Variants in EPG5 observed in about 807,000 individuals in gnomAD.
The protein encoded by EPG5 is ectopic P granules protein 5 homolog.
Under a neutral mutation model 302.7 loss-of-function variants are expected in EPG5, and 159 were observed. The ratio of observed to expected loss-of-function variants is 0.53; its 90% confidence interval spans 0.46 to 0.60. The LOEUF (loss-of-function observed/expected upper bound fraction) is 0.60, where lower values mean the gene tolerates loss of function less well. Ranked by LOEUF, EPG5 falls within the 20% of genes least tolerant of loss-of-function variation. The probability of loss-of-function intolerance (pLI) is 0.00; values close to 1 mark genes in which losing one functional copy is unlikely to be tolerated. For missense variants in EPG5, 2,896 were observed against 3,092.4 expected (o/e 0.94, Z 1.51); for synonymous variants, 1,158 against 1,136.8 (o/e 1.02, Z -0.37).
Position 45,852,670 on chromosome 18 carries a change from G to T in EPG5, c.7558-21C>A, listed in dbSNP as rs781605489. ...AGAGCCTAAAAGACACGGAAGATGA[G>T]AGGGTTAACTCCATAGAGGCACATA... On this transcript the variant is annotated intron_variant, in intron 43 of 43. Coordinates refer to ENST00000282041, the MANE Select transcript of EPG5 (RefSeq NM_020964.3). 5 of 1,608,586 alleles carry T rather than the reference G, an allele frequency of 3.1e-6. No homozygotes were observed. In the Admixed American group the frequency reaches 8.4e-5, roughly 27 times the overall value.
intron 27 of EPG5, among the ~76,000 whole-genome samples, chr18:45,899,191 T>A (rs948705152): frequency 1.3e-5 from 2 of 152,170 alleles, no homozygotes; most frequent in African/African-American, 2.4e-5. Flanking sequence ...GATTTTTTTT[T>A]AATTCCTATT....
chr18:45,871,194 A>C (rs945914999), intron 35 of EPG5, among the ~76,000 whole-genome samples: 7 of 152,198 alleles, frequency 4.6e-5, no homozygotes, highest in Non-Finnish European at 1.0e-4. Context: ...AGCATCACTG[A>C]TCATTAGAGA....
At chr18:45,939,895 T>C in intron 9 of EPG5, 140 bp from the exon 10 acceptor site, 2 of 741,396 alleles carry the variant, frequency 2.7e-6, no homozygotes, top group South Asian at 4.1e-5. Context: ...GTTCTGAAAC[T>C]AATGAAATGG....
rs200418143 is a variant in EPG5 at position 45,954,564 on chromosome 18, C to T, written c.838G>A (p.Asp280Asn). 2 of 1,614,232 alleles carry T rather than the reference C, an allele frequency of 1.2e-6. No homozygotes were observed. The highest frequency in any genetic ancestry group is 1.7e-6 in the Non-Finnish European group (2 of 1,180,042). Residue 280 changes from aspartate (D) to asparagine (N), a missense_variant, in exon 2 of 44, where the codon GAC becomes AAC. Around this residue, in one of 5 missense-constraint regions of EPG5, gnomAD observed 1,390 missense variants for 1,430.0 expected, o/e 0.97. Coordinates refer to ENST00000282041, the MANE Select transcript of EPG5 (RefSeq NM_020964.3). ...ENVESYLEEF[D>N]SMAHQDRHEF... ...TGCCTGTCTTGATGAGCCATGCTGTCAAATTCTTCTAAATATGACTCAACA... is the reference window on the plus strand; with the variant it reads ...TGCCTGTCTTGATGAGCCATGCTGTTAAATTCTTCTAAATATGACTCAACA...
chr18:45,825,626 GC>G, the EPG5 span: 1 of 1,285,824 alleles, frequency 7.8e-7, no homozygotes, highest in East Asian at 2.5e-5. Context: ...TGAGTGCCCT[GC>G]CCACCCCCGC....
At chr18:45,954,076 G>GT (rs1186904662) in intron 2 of EPG5, 4 of 277,354 alleles carry the variant, frequency 1.4e-5, no homozygotes, top group Non-Finnish European at 2.2e-5. Context: ...TAGATTTCTA[G>GT]TTTTTCTTGT....
the EPG5 span, among the ~76,000 whole-genome samples, chr18:45,841,658 G>A: frequency 6.6e-5 from 10 of 152,252 alleles, no homozygotes; most frequent in East Asian, 1.2e-3. Flanking sequence ...CCAGGCTGCC[G>A]GGGTTGGGAG....
chr18:45,829,290 A>G, the EPG5 span: 1 of 341,496 alleles, frequency 2.9e-6, no homozygotes, highest in Non-Finnish European at 4.1e-6. Context: ...CCTTTCACTC[A>G]CTACTCACAC....
the EPG5 span, among the ~76,000 whole-genome samples, chr18:45,802,884 A>G: frequency 6.6e-6 from 1 of 152,224 alleles, no homozygotes; most frequent in Non-Finnish European, 1.5e-5. Flanking sequence ...GTCAAGTCAG[A>G]ACCCAGCATT....
intron 1 of EPG5, among the ~76,000 whole-genome samples, chr18:45,966,924 A>G (rs766925070): frequency 1.3e-5 from 2 of 152,204 alleles, no homozygotes; most frequent in Non-Finnish European, 1.5e-5. Flanking sequence ...AGAGCAGAAA[A>G]GGAAGAGGCC....
intron 23 of EPG5, among the ~76,000 whole-genome samples, chr18:45,909,995 G>A (rs1211235594): frequency 1.3e-5 from 2 of 152,026 alleles, no homozygotes; most frequent in Non-Finnish European, 2.9e-5. Context: ...ATTCTAGCAA[G>A]GTTTTTTTGT....
chr18:45,947,467 A>G (rs1188458530), intron 6 of EPG5, among the ~76,000 whole-genome samples: 1 of 152,156 alleles, frequency 6.6e-6, no homozygotes, highest in Non-Finnish European at 1.5e-5. Flanking sequence ...ACATAGATAT[A>G]AATGCAAAAA....
rs138750480 is a variant in EPG5, at chr18:45,945,852, G to A, written c.1677+811C>T. 5.2e-3 allele frequency among the ~76,000 whole-genome samples: 795 copies of A among 152,224 alleles called. 6 individuals carry two copies. The highest frequency in any genetic ancestry group is 0.018 in the African/African-American group (740 of 41,524). On this transcript the variant is annotated intron_variant, in intron 7 of 43. Transcript: ENST00000282041. Reference sequence around the variant, plus strand: ...AGGAAGAGAAAAACGACTGTGAAGGGGGCTCCCTACTTCTGAATGAGCACT... The same window carrying A: ...AGGAAGAGAAAAACGACTGTGAAGGAGGCTCCCTACTTCTGAATGAGCACT...
chr18:45,943,322 A>T lies in EPG5; in HGVS notation c.1793-11T>A, dbSNP rs1180302995. On this transcript the variant is annotated splice_polypyrimidine_tract_variant and intron_variant, in intron 8 of 43. Coordinates refer to ENST00000282041, the MANE Select transcript of EPG5 (RefSeq NM_020964.3). ...CAGGTAAATAATCACCTAGAAGTTAATCAGATAAAAGAAAAAAATCATAGT... is the reference window on the plus strand; with the variant it reads ...CAGGTAAATAATCACCTAGAAGTTATTCAGATAAAAGAAAAAAATCATAGT... 1.9e-6 allele frequency: 3 copies of T among 1,609,984 alleles called. No homozygotes were observed. The highest frequency in any genetic ancestry group is 1.7e-5 in the Admixed American group (1 of 59,894).
chr18:45,881,511 T>C (rs2049097304), intron 31 of EPG5, among the ~76,000 whole-genome samples: 2 of 152,344 alleles, frequency 1.3e-5, no homozygotes, highest in South Asian at 4.1e-4. Context: ...TTAAACTATT[T>C]CTATGATGTA....
At position 45,888,740 on chromosome 18, in the gene EPG5, G is replaced by T. The variant is rs961013181; in HGVS notation, c.4953-833C>A. Among the ~76,000 whole-genome samples, 3 of 152,114 alleles carry T rather than the reference G, an allele frequency of 2.0e-5. No individual in the cohort carries two copies. In the East Asian group the frequency reaches 5.8e-4, roughly 29 times the overall value. ...CAGGCGTGAGCCACTGCATCTGGCC[G>T]ATTTTCAATACTTAGTAATAATTTC... On this transcript the variant is annotated intron_variant, in intron 28 of 43. Transcript: ENST00000282041.
At chr18:45,808,168 C>G in the EPG5 span, among the ~76,000 whole-genome samples, 6 of 152,204 alleles carry the variant, frequency 3.9e-5, no homozygotes, top group Admixed American at 6.5e-5. Context: ...TTAACCCAGT[C>G]TAACAAAGAC....
chr18:45,922,599 A>G lies in EPG5; in HGVS notation c.2840T>C (p.Val947Ala). The change falls in exon 16 of 44, where the codon GTT (valine) becomes GCT (alanine). Residue 947 changes from valine to alanine, a missense_variant and splice_region_variant. Physicochemically the swap from Val to Ala is moderately conservative, Grantham distance 64. Coordinates refer to ENST00000282041, the MANE Select transcript of EPG5 (RefSeq NM_020964.3). ...TCGAACAATACTGGCCAAATATGAA[A>G]CCTAAAACAATTATTTATTTTGAGC... The part of the protein sequence containing the change: ...AGILSESMKQ[V>A]SYLASIVRYG... 1.9e-6 allele frequency: 3 copies of G among 1,611,528 alleles called. No individual in the cohort carries two copies. Among genetic ancestry groups the G allele is most frequent in the Non-Finnish European group, 8.5e-7 (1 of 1,178,910 alleles).
At chr18:45,961,315 A>T (rs2051143660) in intron 1 of EPG5, among the ~76,000 whole-genome samples, 1 of 152,240 alleles carries the variant, frequency 6.6e-6, no homozygotes, top group Non-Finnish European at 1.5e-5. Flanking sequence ...TATGTCACTC[A>T]GAGTAAAAGC....
Sources: allele counts gnomAD v4.1 joint callset (sites outside exome capture counted in the v4.1 genomes callset), GRCh38; gene constraint gnomAD v4.1.1; regional missense constraint gnomAD v4.1.1; transcripts MANE v1.5; gene names NCBI Gene and HGNC (gene_info 2026-07-23, HGNC 2026-07-21).